Variants in CSMD2 observed in about 807,000 individuals in gnomAD.
CSMD2 encodes CUB and Sushi multiple domains 2.
A neutral mutation model predicts 398.5 loss-of-function variants in CSMD2; 130 were observed. That is an observed-to-expected ratio of 0.33 (90% CI 0.28 to 0.38). The LOEUF (loss-of-function observed/expected upper bound fraction) is 0.38. Among genes scored for constraint, CSMD2 ranks in the 10% least tolerant of loss-of-function variants. CSMD2 has a pLI of 1.00. For synonymous variants in CSMD2, 1,828 were observed against 1,908.5 expected, an observed-to-expected ratio of 0.96 and a Z score of 1.10; for missense variants, 3,829 against 4,764.9, an observed-to-expected ratio of 0.80 and a Z score of 5.78.
chr1:33,591,613 A>G (rs959062807), intron 44 of CSMD2, among the ~76,000 whole-genome samples: 1 of 152,074 alleles, frequency 6.6e-6, no homozygotes, highest in African/African-American at 2.4e-5. Flanking sequence ...TGTATTCTAC[A>G]TGAGTGATTC....
At position 33,537,189 on chromosome 1, in the gene CSMD2, G is replaced by A. The variant is rs997736492; in HGVS notation, c.9806-94C>T. 6 of 1,408,360 alleles carry A rather than the reference G, an allele frequency of 4.3e-6. No individual in the cohort carries two copies. The highest frequency in any genetic ancestry group is 6.0e-6 in the Non-Finnish European group (6 of 1,000,108). The allele number at this position is 1,408,360 out of a possible 1,614,324, so 87.2% of individuals were successfully genotyped here. ...GAAATAGGTGTAGAAAAGAAAATGC[G>A]GCCACATCCTGACTTCCCTGCCCAC... is the stretch of plus-strand genomic sequence containing the variant. On this transcript the variant is annotated intron_variant, in intron 61 of 70. Transcript: ENST00000373381. This position sits in a 1 kb window ranked among gnomAD's most constrained non-coding sequence, Gnocchi z 4.6.
intron 13 of CSMD2, among the ~76,000 whole-genome samples, chr1:33,752,587 C>A (rs530458972): frequency 6.6e-6 from 1 of 152,154 alleles, no homozygotes; most frequent in African/African-American, 2.4e-5. Context: ...TGGGCTAACA[C>A]AGAAAATTGG....
At chr1:33,542,963 T>A in intron 57 of CSMD2, 67 bp from the exon 58 acceptor site, 1 of 1,396,080 alleles carries the variant, frequency 7.2e-7, no homozygotes, top group Admixed American at 2.0e-5. Context: ...GACTGATAAC[T>A]GCCCAGAGTG....
intron 2 of CSMD2, among the ~76,000 whole-genome samples, chr1:34,059,131 G>C (rs915101723): frequency 6.6e-6 from 1 of 152,142 alleles, no homozygotes; most frequent in Non-Finnish European, 1.5e-5. Context: ...TAGGCTCAAG[G>C]GTTCCCCAAG....
chr1:33,666,579 C>T (rs6672319), intron 25 of CSMD2, among the ~76,000 whole-genome samples: 2,178 of 151,560 alleles, frequency 0.014, 37 homozygotes, highest in Non-Finnish European at 0.019. Flanking sequence ...TTCTTACTTT[C>T]GGTCACTAGT....
At chr1:33,656,676 G>C (rs765254684) in intron 27 of CSMD2, among the ~76,000 whole-genome samples, 2 of 152,224 alleles carry the variant, frequency 1.3e-5, no homozygotes, top group Non-Finnish European at 2.9e-5. Context: ...TGGGAGGTAG[G>C]AAAATGAGAG....
chr1:33,782,793 A>T (rs1364630264), intron 12 of CSMD2, among the ~76,000 whole-genome samples: 1 of 152,218 alleles, frequency 6.6e-6, no homozygotes, highest in Non-Finnish European at 1.5e-5. Context: ...TAGAAACCAG[A>T]ACTTGGTGGA....
chr1:33,667,590 G>A (rs889501871), intron 25 of CSMD2, among the ~76,000 whole-genome samples: 2 of 152,192 alleles, frequency 1.3e-5, no homozygotes, highest in Non-Finnish European at 2.9e-5. Flanking sequence ...GCTAGGCAGG[G>A]GCTGGAGAGG....
chr1:34,012,061 G>A (rs1379277214), intron 3 of CSMD2, among the ~76,000 whole-genome samples: 1 of 152,152 alleles, frequency 6.6e-6, no homozygotes, highest in Non-Finnish European at 1.5e-5. Context: ...CTGGGAATTT[G>A]GGCTGAATGG....
chr1:33,646,969 G>GACT, intron 28 of CSMD2, 134 bp from the exon 29 acceptor site: 1 of 816,326 alleles, frequency 1.2e-6, no homozygotes, highest in Non-Finnish European at 1.9e-6. Flanking sequence ...AACCCCTGAA[G>GACT]ACTGGCTGGT....
intron 1 of CSMD2, among the ~76,000 whole-genome samples, chr1:34,095,849 C>T (rs1427251000): frequency 6.6e-6 from 1 of 151,644 alleles, no homozygotes; most frequent in African/African-American, 2.4e-5. Flanking sequence ...GAACTGGTAC[C>T]ATTCCTTCTG....
rs577018752 is a variant in CSMD2 at position 34,072,339 on chromosome 1, C to A, written c.404+16638G>T. On this transcript the variant is annotated intron_variant, in intron 2 of 70. Transcript: ENST00000373381. The stretch of plus-strand genomic sequence containing the variant: ...GGAAGACTAGAATGACAAGTCCAAA[C>A]CTGCCTCCACCCTGCAGACACCAGG... Among the ~76,000 whole-genome samples, 29 of 152,308 alleles carry A rather than the reference C, an allele frequency of 1.9e-4. No individual in the cohort carries two copies. In the South Asian group the frequency reaches 3.5e-3, roughly 19 times the overall value.
intron 1 of CSMD2, among the ~76,000 whole-genome samples, chr1:34,137,240 ACTT>A (rs1405487424): frequency 6.6e-6 from 1 of 151,922 alleles, no homozygotes; most frequent in Non-Finnish European, 1.5e-5. Flanking sequence ...GCCTAGACTT[ACTT>A]ATCTCTCTGG....
intron 25 of CSMD2, among the ~76,000 whole-genome samples, chr1:33,684,807 T>C (rs1162838935): frequency 1.3e-5 from 2 of 152,216 alleles, no homozygotes; most frequent in Non-Finnish European, 2.9e-5. Flanking sequence ...CACCCCCAAC[T>C]GCCATACAGA....
intron 59 of CSMD2, among the ~76,000 whole-genome samples, 189 bp downstream of exon 59, chr1:33,540,941 C>T (rs1656274630): frequency 6.6e-6 from 1 of 152,150 alleles, no homozygotes. Flanking sequence ...ATGGCCCAGG[C>T]CTTATTTTGG....
At chr1:33,702,401 A>G (rs972577172) in intron 22 of CSMD2, among the ~76,000 whole-genome samples, 2 of 152,222 alleles carry the variant, frequency 1.3e-5, no homozygotes, top group African/African-American at 2.4e-5. Flanking sequence ...ATTTCCAAGC[A>G]TAATTCATCC....
rs779597608 is a variant in CSMD2 at position 33,792,411 on chromosome 1, C to T, written c.1550+12G>A. The T allele has an allele frequency of 1.3e-6, 2 of 1,597,754 alleles. No homozygotes were observed. Among genetic ancestry groups the T allele is most frequent in the Non-Finnish European group, 1.7e-6 (2 of 1,165,166 alleles). ...GTCCCACCTTCCAAACAACATGCCCCACTGCACTTACATGTAGAGAACTGT... is the reference window on the plus strand; with the variant it reads ...GTCCCACCTTCCAAACAACATGCCCTACTGCACTTACATGTAGAGAACTGT... On this transcript the variant is annotated intron_variant, in intron 11 of 70. Coordinates refer to ENST00000373381, the MANE Select transcript of CSMD2 (RefSeq NM_001281956.2).
chr1:34,007,356 G>T (rs1647092458), intron 3 of CSMD2, among the ~76,000 whole-genome samples: 1 of 152,186 alleles, frequency 6.6e-6, no homozygotes, highest in South Asian at 2.1e-4. Flanking sequence ...CAGGAGTTCT[G>T]CTAAGAGTCC....
chr1:33,775,087 T>C (rs1651794870), intron 12 of CSMD2, among the ~76,000 whole-genome samples: 1 of 152,166 alleles, frequency 6.6e-6, no homozygotes, highest in South Asian at 2.1e-4. Context: ...AGAATGGAAG[T>C]ACTAACCTCA....
Sources: gnomAD v4.1 joint callset for allele counts (sites outside exome capture counted in the v4.1 genomes callset) on GRCh38, gnomAD v4.1.1 for gene constraint, Gnocchi (gnomAD v3.1) non-coding constraint, MANE v1.5 for transcripts, NCBI Gene and HGNC (gene_info 2026-07-23, HGNC 2026-07-21) for gene names.